Variants in STYXL2 observed in about 807,000 individuals in gnomAD.
STYXL2 encodes the protein serine/threonine/tyrosine interacting like 2, also known as serine/threonine/tyrosine-interacting-like protein 2.
In STYXL2, 44 loss-of-function variants were observed where a neutral mutation model predicts 52.4. The observed-to-expected ratio is 0.84, with a 90% CI of 0.66 to 1.08. STYXL2 has a LOEUF of 1.08. Among genes scored for constraint, STYXL2 ranks in the 50% least tolerant of loss-of-function variants. The probability of loss-of-function intolerance (pLI) is 0.00; values close to 1 mark genes in which losing one functional copy is unlikely to be tolerated. For synonymous variants in STYXL2, 604 were observed against 586.9 expected (o/e 1.03, Z -0.42); for missense variants, 1,604 against 1,471.7 (o/e 1.09, Z -1.47).
chr1:167,108,457 G>A (rs760763513), intron 2 of STYXL2, among the ~76,000 whole-genome samples: 9 of 152,156 alleles, frequency 5.9e-5, no homozygotes, highest in South Asian at 2.1e-4. Flanking sequence ...CCCCAATAAC[G>A]TTTGTTTGAA....
At chr1:167,112,357 G>A (rs887729802) in intron 2 of STYXL2, among the ~76,000 whole-genome samples, 5 of 152,050 alleles carry the variant, frequency 3.3e-5, no homozygotes, top group Admixed American at 2.6e-4. Context: ...CCCTAGGGTG[G>A]ACTCTGATGT....
intron 5 of STYXL2, among the ~76,000 whole-genome samples, chr1:167,120,819 G>A (rs1002852509): frequency 1.1e-4 from 12 of 112,178 alleles, no homozygotes; most frequent in Non-Finnish European, 2.0e-4. Context: ...GTATGTGTGC[G>A]TGTAAATTAC....
chr1:167,124,946 TAAAA>T (rs10531474), intron 5 of STYXL2, among the ~76,000 whole-genome samples: 3 of 129,686 alleles, frequency 2.3e-5, no homozygotes, highest in Admixed American at 8.0e-5. Flanking sequence ...TACAAACTCC[TAAAA>T]AAAAAAAAAA....
At chr1:167,111,901 T>C (rs552934264) in intron 2 of STYXL2, among the ~76,000 whole-genome samples, 2 of 152,138 alleles carry the variant, frequency 1.3e-5, no homozygotes, top group East Asian at 3.9e-4. Flanking sequence ...TATAAAAAAA[T>C]GAGTTGATTA....
intron 2 of STYXL2, among the ~76,000 whole-genome samples, chr1:167,102,282 A>T (rs1399261318): frequency 6.7e-6 from 1 of 149,140 alleles, no homozygotes; most frequent in African/African-American, 2.5e-5. Context: ...TTTGTATATC[A>T]ATAATAAAGC....
chr1:167,115,440 C>T (rs1014058622), intron 3 of STYXL2, among the ~76,000 whole-genome samples: 1 of 152,106 alleles, frequency 6.6e-6, no homozygotes, highest in Non-Finnish European at 1.5e-5. Context: ...TCTACAGAGG[C>T]TGAAGTGTGA....
intron 5 of STYXL2, among the ~76,000 whole-genome samples, chr1:167,122,030 C>G (rs1306153414): frequency 6.6e-6 from 1 of 152,060 alleles, no homozygotes; most frequent in African/African-American, 2.4e-5. Context: ...AAACACCTGG[C>G]GCCGGCGTTT....
At chr1:167,106,424 G>A (rs1424152651) in intron 2 of STYXL2, among the ~76,000 whole-genome samples, 1 of 152,198 alleles carries the variant, frequency 6.6e-6, no homozygotes, top group East Asian at 1.9e-4. Context: ...GTGCAAGGAA[G>A]AAGGCCTTGT....
In STYXL2 at chr1:167,094,956, G is replaced by C. The variant is rs1260140313; in HGVS notation, c.107G>C (p.Ser36Thr). ...QAHYLRSPSP[S>T]QYSMVSDAET... is the part of the protein sequence containing the mutation. ...CACTACCTCCGAAGCCCCTCCCCTA[G>C]CCAGTAAGTGACCACTTATCTCCCA... Residue 36 changes from serine to threonine, a missense_variant, in exon 2 of 6, where the codon AGC becomes ACC. By Grantham distance (58) the Ser-to-Thr change is moderately conservative. Transcript: ENST00000361200. The C allele has an allele frequency of 6.3e-7, 1 of 1,599,302 alleles. No individual in the cohort carries two copies. Among genetic ancestry groups the C allele is most frequent in the South Asian group, 1.1e-5 (1 of 88,278 alleles).
Position 167,094,931 on chromosome 1 carries a change from C to G in STYXL2, c.82C>G (p.His28Asp), listed in dbSNP as rs1287694087. The G allele has an allele frequency of 6.2e-7, 1 of 1,609,550 alleles. No individual in the cohort carries two copies. Among genetic ancestry groups the G allele is most frequent in the East Asian group, 2.2e-5 (1 of 44,740 alleles). Residue 28 changes from histidine (H) to aspartate (D), a missense_variant, in exon 2 of 6, where the codon CAC becomes GAC. His to Asp is a moderately conservative substitution (Grantham distance 81). Transcript: ENST00000361200. ...DEANVRAVQA[H>D]YLRSPSPSQY... ...AGCCAACGTGAGGGCGGTGCAGGCC[C>G]ACTACCTCCGAAGCCCCTCCCCTAG...
chr1:167,127,469 G>T lies in STYXL2; in HGVS notation c.2338G>T (p.Gly780Cys), dbSNP rs1668000356. The T allele has an allele frequency of 6.2e-7, 1 of 1,613,944 alleles. No individual in the cohort carries two copies. The highest frequency in any genetic ancestry group is 1.3e-5 in the African/African-American group (1 of 74,890). ...TAGTGGACACAGCAGCTCCTCCTTG[G>T]GTGGCTGCCTGTTGCCTCAGAGCCA... ...MLSGHSSSSL[G>C]GCLLPQSQAR... is the part of the protein sequence containing the mutation. The change falls in exon 6 of 6, where the codon GGT becomes TGT. Residue 780 changes from glycine to cysteine, a missense_variant. By Grantham distance (159) the Gly-to-Cys change is radical. Transcript: ENST00000361200.
chr1:167,127,090 C>A lies in STYXL2; in HGVS notation c.1959C>A (p.Ala653=). Residue 653 remains alanine (A), a synonymous_variant, in exon 6 of 6, where the codon GCC becomes GCA. Coordinates refer to ENST00000361200, the MANE Select transcript of STYXL2 (RefSeq NM_001080426.3). ...GCTGGGAGGCGGACAGCTCCACGGCCAGCGGGAGCATTCCCCTGTCTGCGT... is the reference window on the plus strand; with the variant it reads ...GCTGGGAGGCGGACAGCTCCACGGCAAGCGGGAGCATTCCCCTGTCTGCGT... The part of the protein sequence containing the change: ...MASWEADSST[A]SGSIPLSAFW... The A allele has an allele frequency of 1.2e-6, 2 of 1,613,682 alleles. No homozygotes were observed. The highest frequency in any genetic ancestry group is 1.7e-6 in the Non-Finnish European group (2 of 1,179,736).
chr1:167,128,797 C>G lies in STYXL2; in HGVS notation c.*189C>G. The G allele has an allele frequency of 1.1e-6, 1 of 898,720 alleles. No homozygotes were observed. Among genetic ancestry groups the G allele is most frequent in the Non-Finnish European group, 1.6e-6 (1 of 621,166 alleles). 55.7% of individuals were successfully genotyped at this position (898,720 alleles called of 1,614,324 possible). ...AGGGAGGAGGCAAGGAGGGGGAGAACCATCAATACGAATACGAGGTCCGAA... is the reference window on the plus strand; with the variant it reads ...AGGGAGGAGGCAAGGAGGGGGAGAAGCATCAATACGAATACGAGGTCCGAA... On this transcript the variant is annotated 3_prime_UTR_variant, in exon 6 of 6. Coordinates refer to ENST00000361200, the MANE Select transcript of STYXL2 (RefSeq NM_001080426.3).
At position 167,128,684 on chromosome 1, in the gene STYXL2, C is replaced by T. The variant is rs1326153156; in HGVS notation, c.*76C>T. ...GCTCAGGGCACACGTTGCCACCACT[C>T]ATCGCAGGATGAGGATACAGAGAGG... is the stretch of plus-strand genomic sequence containing the variant. On this transcript the variant is annotated 3_prime_UTR_variant, in exon 6 of 6. Coordinates refer to ENST00000361200, the MANE Select transcript of STYXL2 (RefSeq NM_001080426.3). The T allele has an allele frequency of 2.7e-6, 4 of 1,497,464 alleles. No homozygotes were observed. The highest frequency in any genetic ancestry group is 3.5e-6 in the Non-Finnish European group (4 of 1,133,310). The allele number at this position is 1,497,464 out of a possible 1,614,324, so 92.8% of individuals were successfully genotyped here.
chr1:167,120,705 C>G (rs1247965769), intron 5 of STYXL2, among the ~76,000 whole-genome samples: 2 of 151,584 alleles, frequency 1.3e-5, no homozygotes, highest in Non-Finnish European at 2.9e-5. Flanking sequence ...TAGCCTTGAC[C>G]TCCTGGGCTC....
chr1:167,124,797 T>C (rs1312148161), intron 5 of STYXL2, among the ~76,000 whole-genome samples: 2 of 152,182 alleles, frequency 1.3e-5, no homozygotes, highest in Non-Finnish European at 2.9e-5. Flanking sequence ...TTGAGTTCAT[T>C]GTGTGACATA....
Position 167,128,499 on chromosome 1 carries a change from G to A in STYXL2, c.3368G>A (p.Ser1123Asn), listed in dbSNP as rs1321664971. ...ASGRRSQYRR[S>N]TDREEEEEMD... ...GGACGGCGGTCCCAGTATCGGAGAA[G>A]CACTGACAGGGAGGAAGAGGAAGAA... is the stretch of plus-strand genomic sequence containing the variant. The change falls in exon 6 of 6, where the codon AGC becomes AAC. Residue 1123 changes from serine (S) to asparagine (N), a missense_variant. Ser to Asn is a conservative substitution (Grantham distance 46). Transcript: ENST00000361200. 3.7e-6 allele frequency: 6 copies of A among 1,613,812 alleles called. No homozygotes were observed. Among genetic ancestry groups the A allele is most frequent in the Middle Eastern group, 3.3e-4 (2 of 6,082 alleles).
chr1:167,114,136 C>A (rs1667676968), intron 3 of STYXL2, among the ~76,000 whole-genome samples: 1 of 152,104 alleles, frequency 6.6e-6, no homozygotes, highest in Non-Finnish European at 1.5e-5. Context: ...TGGCCAGAAG[C>A]ATCCAGAGGG....
In STYXL2 at chr1:167,119,107, T is replaced by C. The variant is rs1016071852; in HGVS notation, c.438-142T>C. 4.3e-6 allele frequency: 3 copies of C among 700,056 alleles called. No homozygotes were observed. In the African/African-American group the frequency reaches 5.3e-5, roughly 12 times the overall value. 43.4% of individuals were successfully genotyped at this position (700,056 alleles called of 1,614,324 possible). A position where few individuals can be genotyped will look rare whatever the true frequency, so the allele number is the denominator to read the frequency against. ...ACTCTTTCTATAATGGTATTTGCAG[T>C]GATCCCCAGACAACCAGGGGCAGAA... On this transcript the variant is annotated intron_variant, in intron 4 of 5. Coordinates refer to ENST00000361200, the MANE Select transcript of STYXL2 (RefSeq NM_001080426.3).
Sources: allele counts gnomAD v4.1 joint callset (sites outside exome capture counted in the v4.1 genomes callset), GRCh38; gene constraint gnomAD v4.1.1; transcripts MANE v1.5; gene names NCBI Gene and HGNC (gene_info 2026-07-23, HGNC 2026-07-21).